Variants in ACOX1 observed in about 807,000 individuals in gnomAD.
The protein encoded by ACOX1 is peroxisomal acyl-coenzyme A oxidase 1.
In ACOX1, 41 loss-of-function variants were observed where a neutral mutation model predicts 75.5. That is an observed-to-expected ratio of 0.54 (90% CI 0.42 to 0.70). The LOEUF (loss-of-function observed/expected upper bound fraction) is 0.70, where lower values mean the gene tolerates loss of function less well. ACOX1 is among the 30% of genes least tolerant of loss of function. The pLI, the probability that ACOX1 is intolerant of heterozygous loss-of-function variation, is 0.00. For missense variants in ACOX1, 630 were observed against 837.5 expected, an observed-to-expected ratio of 0.75 and a Z score of 3.06; for synonymous variants, 303 against 298.8, an observed-to-expected ratio of 1.01 and a Z score of -0.15.
intron 2 of ACOX1, among the ~76,000 whole-genome samples, chr17:75,974,412 A>T (rs2066024917): frequency 6.6e-6 from 1 of 152,218 alleles, no homozygotes; most frequent in African/African-American, 2.4e-5. Context: ...GAACATTACT[A>T]CGGATTAACT....
At chr17:75,952,867 G>A (rs1305184241) in intron 7 of ACOX1, among the ~76,000 whole-genome samples, 1 of 151,634 alleles carries the variant, frequency 6.6e-6, no homozygotes, top group South Asian at 2.1e-4. Context: ...TAGAGACAGG[G>A]TCTCACTATG....
intron 3 of ACOX1, among the ~76,000 whole-genome samples, chr17:75,957,860 T>A (rs1252132035): frequency 6.6e-6 from 1 of 152,214 alleles, no homozygotes; most frequent in Non-Finnish European, 1.5e-5. Flanking sequence ...CAACTTAGAA[T>A]CACATTTTTA....
chr17:75,965,828 G>A (rs1277127112), intron 2 of ACOX1, among the ~76,000 whole-genome samples: 6 of 151,660 alleles, frequency 4.0e-5, no homozygotes, highest in East Asian at 1.9e-4. Flanking sequence ...GCAAGAACCC[G>A]TCTTTCAAAA....
intron 2 of ACOX1, among the ~76,000 whole-genome samples, chr17:75,972,347 A>G: frequency 6.9e-6 from 1 of 145,200 alleles, no homozygotes. Flanking sequence ...AAAAAAAAGG[A>G]AGGATCTGTC....
chr17:75,955,939 T>G lies in ACOX1; in HGVS notation c.547A>C (p.Thr183Pro). Reference protein sequence around the residue: ...IKWWPGGLGKTSNHAIVLAQL... With the variant: ...IKWWPGGLGKPSNHAIVLAQL... Reference sequence around the variant, plus strand: ...GCAAGAACTATTGCATGATTTGAAGTCTTTCCAACTGTAATATCAAAGAGA... The same window carrying G: ...GCAAGAACTATTGCATGATTTGAAGGCTTTCCAACTGTAATATCAAAGAGA... Residue 183 changes from threonine (T) to proline (P), a missense_variant, in exon 5 of 14, where the codon ACT (threonine) becomes CCT (proline). Transcript: ENST00000293217. 3 of 1,614,150 alleles carry G rather than the reference T, an allele frequency of 1.9e-6. No homozygotes were observed. The highest frequency in any genetic ancestry group is 2.5e-6 in the Non-Finnish European group (3 of 1,180,000).
chr17:75,951,573 G>T lies in ACOX1; in HGVS notation c.949C>A (p.Pro317Thr). The change falls in exon 8 of 14, where the codon CCA becomes ACA. Residue 317 changes from proline to threonine, a missense_variant. Pro to Thr is a conservative substitution (Grantham distance 38). This residue lies in a region of ACOX1 where 390 missense variants were observed against 574.9 expected (regional missense o/e 0.68). Transcript: ENST00000293217. ...RHQSEIKPGE[P>T]EPQILDFQTQ... Reference sequence around the variant, plus strand: ...TGAAAATCCAAAATCTGTGGTTCTGGTTCACTACGTGACATAGAAAAAGAA... The same window carrying T: ...TGAAAATCCAAAATCTGTGGTTCTGTTTCACTACGTGACATAGAAAAAGAA... 1 of 1,614,006 alleles carries T rather than the reference G, an allele frequency of 6.2e-7. No homozygotes were observed. Among genetic ancestry groups the T allele is most frequent in the Middle Eastern group, 1.7e-4 (1 of 6,060 alleles).
intron 7 of ACOX1, among the ~76,000 whole-genome samples, chr17:75,952,840 A>AAG (rs1270525402): frequency 6.6e-6 from 1 of 151,498 alleles, no homozygotes; most frequent in African/African-American, 2.4e-5. Context: ...CAAAAAAAAA[A>AAG]AAAAAAGAAA....
chr17:75,949,426 G>A, intron 11 of ACOX1, 66 bp from the exon 12 acceptor site: 1 of 1,608,022 alleles, frequency 6.2e-7, no homozygotes, highest in East Asian at 2.2e-5. Flanking sequence ...ACAGTGACTA[G>A]GGTTTCTGTA....
chr17:75,953,752 G>T, intron 6 of ACOX1, 132 bp from the exon 7 acceptor site: 1 of 1,069,684 alleles, frequency 9.3e-7, no homozygotes, highest in Non-Finnish European at 1.4e-6. Flanking sequence ...CTACATCTTA[G>T]TCCCCACCCT....
intron 13 of ACOX1, among the ~76,000 whole-genome samples, chr17:75,947,003 G>C (rs1442742799): frequency 6.6e-6 from 1 of 151,920 alleles, no homozygotes; most frequent in Non-Finnish European, 1.5e-5. Flanking sequence ...CGAGTTGCTA[G>C]AACTACAGGT....
Position 75,960,034 on chromosome 17 carries a change from T to C in ACOX1, c.430+181A>G, listed in dbSNP as rs75258214. 0.019 allele frequency among the ~76,000 whole-genome samples: 2,881 copies of C among 152,332 alleles called. 50 individuals are homozygous for C. Among genetic ancestry groups the C allele is most frequent in the East Asian group, 0.085 (442 of 5,174 alleles). On this transcript the variant is annotated intron_variant, in intron 3 of 13. Transcript: ENST00000293217. The surrounding 1 kb of genome is among the most constrained non-coding windows in gnomAD (Gnocchi z 4.4). ...AAGGACAATCATTTTATCAGTATCA[T>C]GGTCTTTAATTCCCACTCACCAAAG...
Position 75,944,192 on chromosome 17 carries a change from C to G in ACOX1, c.*2556G>C, listed in dbSNP as rs943563045. On this transcript the variant is annotated 3_prime_UTR_variant, in exon 14 of 14. Transcript: ENST00000293217. ...GAGGTCACAGTAAGCCAAGATCCCA[C>G]CACTGCACTCCAGTCTGGGTGACAG... The G allele has an allele frequency of 6.6e-6, 1 of 152,214 alleles. No homozygotes were observed. The highest frequency in any genetic ancestry group is 6.5e-5 in the Admixed American group (1 of 15,274). The allele number at this position is 152,214 out of a possible 1,614,324, so 9.4% of individuals were successfully genotyped here.
At chr17:75,972,361 CA>C (rs1160446231) in intron 2 of ACOX1, among the ~76,000 whole-genome samples, 3 of 149,200 alleles carry the variant, frequency 2.0e-5, no homozygotes, top group Non-Finnish European at 4.4e-5. Context: ...ATCTGTCAGC[CA>C]GGCGCGGTGG....
At chr17:75,973,892 T>G (rs1856415722) in intron 2 of ACOX1, 1 of 1,080,406 alleles carries the variant, frequency 9.3e-7, no homozygotes, top group African/African-American at 1.6e-5. Context: ...CAGGAAAATG[T>G]AAACCCCCTT....
intron 8 of ACOX1, 119 bp from the exon 9 acceptor site, chr17:75,951,083 T>C: frequency 9.3e-7 from 1 of 1,074,932 alleles, no homozygotes; most frequent in Non-Finnish European, 1.4e-6. Context: ...CTGCCACACA[T>C]GCAAACTGAA....
Position 75,957,502 on chromosome 17 carries a change from G to T in ACOX1, c.495C>A (p.Leu165=). ...TYDPETQEFI[L]NSPTVTSIKW... is the part of the protein sequence containing the mutation. ...TAATGGAGGTCACAGTAGGACTGTT[G>T]AGAATGAACTCCTGGGTTTCAGGGT... is the stretch of plus-strand genomic sequence containing the variant. Residue 165 remains leucine (L), a synonymous_variant, in exon 4 of 14, where the codon CTC becomes CTA. Coordinates refer to ENST00000293217, the MANE Select transcript of ACOX1 (RefSeq NM_004035.7). 1 of 1,614,130 alleles carries T rather than the reference G, an allele frequency of 6.2e-7. No individual in the cohort carries two copies. Among genetic ancestry groups the T allele is most frequent in the South Asian group, 1.1e-5 (1 of 91,086 alleles).
rs1343400037 is a variant in ACOX1, at chr17:75,949,521, A to C, written c.1558T>G (p.Ser520Ala). ...KSKEVAWNLTSVDLVRASEAH... is the reference protein window; with the variant it reads ...KSKEVAWNLTAVDLVRASEAH... ...TCACTTGCTCGAACAAGGTCAACAG[A>C]AGTTAGGTTCCAAGCTACCTCCTTG... The change falls in exon 11 of 14, where the codon TCT becomes GCT. Residue 520 changes from serine (S) to alanine (A), a missense_variant. This residue lies in a region of ACOX1 where 240 missense variants were observed against 262.7 expected (regional missense o/e 0.91). Transcript: ENST00000293217. The C allele has an allele frequency of 1.2e-5, 20 of 1,614,222 alleles. No homozygotes were observed. Among genetic ancestry groups the C allele is most frequent in the Non-Finnish European group, 1.6e-5 (19 of 1,180,040 alleles).
chr17:75,968,539 G>C (rs975489776), intron 2 of ACOX1, among the ~76,000 whole-genome samples: 1 of 148,170 alleles, frequency 6.7e-6, no homozygotes, highest in African/African-American at 2.5e-5. Context: ...CCAGGAGGCG[G>C]AGCTTGCAGC....
intron 2 of ACOX1, among the ~76,000 whole-genome samples, chr17:75,971,231 C>T (rs777788457): frequency 5.4e-5 from 8 of 148,810 alleles, no homozygotes; most frequent in Non-Finnish European, 1.0e-4. Context: ...GCGGAGGTTG[C>T]GGGGAGCCGA....
Sources: allele counts gnomAD v4.1 joint callset (sites outside exome capture counted in the v4.1 genomes callset), GRCh38; gene constraint gnomAD v4.1.1; regional missense constraint gnomAD v4.1.1; non-coding constraint Gnocchi (gnomAD v3.1); transcripts MANE v1.5; gene names NCBI Gene and HGNC (gene_info 2026-07-23, HGNC 2026-07-21).